Variants in GLB1L2 observed in about 807,000 individuals in gnomAD.
GLB1L2 encodes the protein beta-galactosidase-1-like protein 2.
GLB1L2 carries 68 observed loss-of-function variants against 84.1 expected under a neutral mutation model. That is an observed-to-expected ratio of 0.81 (90% CI 0.67 to 0.99). GLB1L2 has a LOEUF of 0.99. Ranked by LOEUF, GLB1L2 falls within the 50% of genes least tolerant of loss-of-function variation. The pLI, the probability that GLB1L2 is intolerant of heterozygous loss-of-function variation, is 0.00. For synonymous variants in GLB1L2, 290 were observed against 318.0 expected, an observed-to-expected ratio of 0.91 and a Z score of 0.94; for missense variants, 762 against 805.6, an observed-to-expected ratio of 0.95 and a Z score of 0.66.
chr11:134,336,213 C>G (rs1453683724), intron 1 of GLB1L2, among the ~76,000 whole-genome samples: 1 of 152,090 alleles, frequency 6.6e-6, no homozygotes, highest in African/African-American at 2.4e-5. Flanking sequence ...CTTTCAAGCA[C>G]AGATTGTATT....
chr11:134,362,684 G>A (rs1012523887), intron 7 of GLB1L2, among the ~76,000 whole-genome samples: 2 of 152,146 alleles, frequency 1.3e-5, no homozygotes, highest in Non-Finnish European at 2.9e-5. Flanking sequence ...TCCTCTTCCC[G>A]CCCTCCCCTC....
chr11:134,356,545 G>C, intron 6 of GLB1L2, 152 bp downstream of exon 6: 1 of 598,930 alleles, frequency 1.7e-6, no homozygotes. Context: ...TATTTCAACA[G>C]GGTTGTCACT....
chr11:134,371,301 C>T (rs1943949021), intron 13 of GLB1L2, 120 bp from the exon 14 acceptor site: 2 of 1,214,748 alleles, frequency 1.6e-6, no homozygotes, highest in East Asian at 4.7e-5. Context: ...TTCATGTCTG[C>T]TCTGCCCACT....
chr11:134,371,622 G>C, intron 14 of GLB1L2, 130 bp downstream of exon 14: 1 of 1,076,662 alleles, frequency 9.3e-7, no homozygotes, highest in Non-Finnish European at 1.4e-6. Flanking sequence ...GAGGGCGAGT[G>C]TGGCTTTCTG....
At chr11:134,363,002 C>T (rs535248148) in intron 7 of GLB1L2, among the ~76,000 whole-genome samples, 21 of 152,368 alleles carry the variant, frequency 1.4e-4, no homozygotes, top group African/African-American at 5.0e-4. Flanking sequence ...TGTCCACTCT[C>T]CGCTTGTATT....
intron 5 of GLB1L2, among the ~76,000 whole-genome samples, chr11:134,348,907 C>T (rs1446581952): frequency 1.3e-5 from 2 of 152,212 alleles, no homozygotes; most frequent in African/African-American, 4.8e-5. Flanking sequence ...TGAGGTCCCT[C>T]TTATAAGAGC....
chr11:134,342,688 G>A, intron 1 of GLB1L2, 66 bp from the exon 2 acceptor site: 1 of 1,488,982 alleles, frequency 6.7e-7, no homozygotes, highest in Non-Finnish European at 9.1e-7. Flanking sequence ...ACCTGCGAAG[G>A]GGCGAGGAAG....
At chr11:134,362,684 G>T (rs1012523887) in intron 7 of GLB1L2, among the ~76,000 whole-genome samples, 1 of 152,146 alleles carries the variant, frequency 6.6e-6, no homozygotes, top group African/African-American at 2.4e-5. Flanking sequence ...TCCTCTTCCC[G>T]CCCTCCCCTC....
rs1381396484 is a variant in GLB1L2, at chr11:134,339,345, C to A, written c.87-3409C>A. On this transcript the variant is annotated intron_variant, in intron 1 of 18. Transcript: ENST00000535456. This position sits in a 1 kb window ranked among gnomAD's most constrained non-coding sequence, Gnocchi z 5.7. Reference sequence around the variant, plus strand: ...TAATGATCATTATCAGTGTTAATAGCCATTTACATGATGCTTCGTTGTTTA... The same window carrying A: ...TAATGATCATTATCAGTGTTAATAGACATTTACATGATGCTTCGTTGTTTA... Among the ~76,000 whole-genome samples, 1 of 152,142 alleles carries A rather than the reference C, an allele frequency of 6.6e-6. No homozygotes were observed. The highest frequency in any genetic ancestry group is 1.9e-4 in the East Asian group (1 of 5,190).
At chr11:134,346,616 C>T (rs1346740094) in intron 4 of GLB1L2, 1 of 152,370 alleles carries the variant, frequency 6.6e-6, no homozygotes. Context: ...ATTTCCTGAC[C>T]CTGTTTAGGA....
At chr11:134,362,396 G>A (rs772200063) in intron 7 of GLB1L2, among the ~76,000 whole-genome samples, 1 of 152,110 alleles carries the variant, frequency 6.6e-6, no homozygotes, top group African/African-American at 2.4e-5. Flanking sequence ...CATCTCCTGC[G>A]CGAGGGGATG....
intron 10 of GLB1L2, among the ~76,000 whole-genome samples, chr11:134,369,553 G>C (rs1185987593): frequency 6.6e-6 from 1 of 152,058 alleles, no homozygotes; most frequent in African/African-American, 2.4e-5. Context: ...CTGCACAAGC[G>C]ATCCTCCTGC....
intron 6 of GLB1L2, among the ~76,000 whole-genome samples, chr11:134,356,702 T>C (rs1943707662): frequency 6.6e-6 from 1 of 152,202 alleles, no homozygotes; most frequent in Non-Finnish European, 1.5e-5. Flanking sequence ...TCTAAAGCAG[T>C]GGTTCCCAGC....
chr11:134,342,313 C>T (rs955250596), intron 1 of GLB1L2, among the ~76,000 whole-genome samples: 15 of 152,202 alleles, frequency 9.9e-5, no homozygotes, highest in Non-Finnish European at 1.9e-4. Context: ...CGCAGACCCT[C>T]TTTCCAGGTC....
At chr11:134,343,878 C>G (rs1021552907) in intron 2 of GLB1L2, among the ~76,000 whole-genome samples, 1 of 152,184 alleles carries the variant, frequency 6.6e-6, no homozygotes, top group Non-Finnish European at 1.5e-5. Flanking sequence ...GGGGTGGGGC[C>G]GGGAGAAGAG....
chr11:134,362,802 G>C lies in GLB1L2; in HGVS notation c.734-1526G>C, dbSNP rs551725159. ...AGGTGGGAATGAGGATGAAGGCTGA[G>C]GACAGGGCATCCTCCCATCTCATGG... On this transcript the variant is annotated intron_variant, in intron 7 of 18. Coordinates refer to ENST00000535456, the MANE Select transcript of GLB1L2 (RefSeq NM_001370461.1). Among the ~76,000 whole-genome samples the C allele has an allele frequency of 4.4e-3, 667 of 152,320 alleles. 3 individuals are homozygous for C. Among genetic ancestry groups the C allele is most frequent in the African/African-American group, 0.015 (604 of 41,572 alleles).
intron 4 of GLB1L2, 91 bp downstream of exon 4, chr11:134,345,220 T>C (rs1943537929): frequency 1.7e-6 from 2 of 1,185,872 alleles, no homozygotes; most frequent in Non-Finnish European, 2.2e-6. Flanking sequence ...TCCCATTCTG[T>C]ACTGAATTGT....
intron 9 of GLB1L2, among the ~76,000 whole-genome samples, chr11:134,367,579 C>T (rs528108795): frequency 6.6e-6 from 1 of 152,170 alleles, no homozygotes; most frequent in African/African-American, 2.4e-5. Context: ...ATGCCTATTG[C>T]AAACATCCAG....
chr11:134,374,981 T>C lies in GLB1L2; in HGVS notation c.1834T>C (p.Phe612Leu). The part of the protein sequence containing the change: ...LSSGINQVIV[F>L]EETMAGPALQ... ...GGCCCTCTCTCCACAGGTCATCGTT[T>C]TTGAGGAGACGATGGCGGGCCCTGC... The change falls in exon 19 of 19, where the codon TTT becomes CTT. Residue 612 changes from phenylalanine (F) to leucine (L), a missense_variant. Phe to Leu is a conservative substitution (Grantham distance 22). Coordinates refer to ENST00000535456, the MANE Select transcript of GLB1L2 (RefSeq NM_001370461.1). 4 of 1,613,522 alleles carry C rather than the reference T, an allele frequency of 2.5e-6. No homozygotes were observed. Among genetic ancestry groups the C allele is most frequent in the Non-Finnish European group, 3.4e-6 (4 of 1,179,838 alleles).
Sources: gnomAD v4.1 joint callset for allele counts (sites outside exome capture counted in the v4.1 genomes callset) on GRCh38, gnomAD v4.1.1 for gene constraint, Gnocchi (gnomAD v3.1) non-coding constraint, MANE v1.5 for transcripts, NCBI Gene and HGNC (gene_info 2026-07-23, HGNC 2026-07-21) for gene names.